NLRC4: variants seen among roughly 807,000 people sequenced by gnomAD.
NLRC4 encodes NLR family CARD domain containing 4, also known as NLR family CARD domain-containing protein 4.
NLRC4 carries 63 observed loss-of-function variants against 79.9 expected under a neutral mutation model. The observed-to-expected ratio is 0.79, with a 90% CI of 0.64 to 0.97. The LOEUF is 0.97. NLRC4 is among the 50% of genes least tolerant of loss of function. The pLI is 0.00. For missense variants in NLRC4, 1,074 were observed against 1,215.2 expected (o/e 0.88, Z 1.73); for synonymous variants, 461 against 456.5 (o/e 1.01, Z -0.12).
Position 32,251,493 on chromosome 2 carries a change from A to T in NLRC4, c.371T>A (p.Ile124Asn), listed in dbSNP as rs188120749. ...GCTTTTCAAGTTAAAAATAATGTCAATATCTTCACCAAGGGGATAAAAGTT... is the reference window on the plus strand; with the variant it reads ...GCTTTTCAAGTTAAAAATAATGTCATTATCTTCACCAAGGGGATAAAAGTT... ...FLNFYPLGED[I>N]DIIFNLKSTF... Residue 124 changes from isoleucine to asparagine, a missense_variant, in exon 4 of 9, where the codon ATT becomes AAT. Physicochemically the swap from Ile to Asn is moderately radical, Grantham distance 149. Transcript: ENST00000402280. 4 of 1,614,026 alleles carry T rather than the reference A, an allele frequency of 2.5e-6. No individual in the cohort carries two copies. The East Asian group carries it at 6.7e-5, about 27-fold the overall frequency.
intron 5 of NLRC4, among the ~76,000 whole-genome samples, chr2:32,239,390 C>T (rs187344143): frequency 2.1e-3 from 327 of 152,298 alleles, no homozygotes; most frequent in African/African-American, 7.4e-3. Context: ...AATGTGGTGC[C>T]TGGCACATAG....
intron 6 of NLRC4, 36 bp downstream of exon 6, chr2:32,238,096 T>C (rs2148935022): frequency 6.5e-7 from 1 of 1,543,674 alleles, no homozygotes. Context: ...TGTTCTGTTA[T>C]ACTGTCCTCA....
At chr2:32,258,296 G>C (rs545836277) in intron 1 of NLRC4, among the ~76,000 whole-genome samples, 1 of 152,190 alleles carries the variant, frequency 6.6e-6, no homozygotes, top group South Asian at 2.1e-4. Context: ...ATGTTCTTCC[G>C]CCGATGTGTT....
chr2:32,252,524 C>G lies in NLRC4; in HGVS notation c.157G>C (p.Gly53Arg). 1 of 1,614,088 alleles carries G rather than the reference C, an allele frequency of 6.2e-7. No individual in the cohort carries two copies. The highest frequency in any genetic ancestry group is 8.5e-7 in the Non-Finnish European group (1 of 1,179,948). The change falls in exon 3 of 9, where the codon GGG becomes CGG. Residue 53 changes from glycine (G) to arginine (R), a missense_variant. Gly to Arg is a moderately radical substitution (Grantham distance 125, BLOSUM62 -2). Transcript: ENST00000402280. The stretch of plus-strand genomic sequence containing the variant: ...TTTTTCAAAATCATGTGAATGATCC[C>G]TCTAGCAGCATCCTGCTCCACCTTC... The part of the protein sequence containing the change: ...CEKVEQDAAR[G>R]IIHMILKKGS...
upstream of NLRC4, among the ~76,000 whole-genome samples, chr2:32,265,336 A>G (rs940860575): frequency 2.0e-5 from 3 of 151,992 alleles, no homozygotes; most frequent in African/African-American, 7.3e-5. Flanking sequence ...GTGCACCACC[A>G]TGCCCGGCTA....
At chr2:32,231,579 G>GT (rs1553342724) in intron 8 of NLRC4, among the ~76,000 whole-genome samples, 4 of 113,096 alleles carry the variant, frequency 3.5e-5, no homozygotes, top group African/African-American at 9.7e-5. Flanking sequence ...TTTTGTGGGG[G>GT]GGGGGTGGGG....
intron 5 of NLRC4, among the ~76,000 whole-genome samples, chr2:32,240,489 G>A (rs1686774573): frequency 6.6e-6 from 1 of 151,536 alleles, no homozygotes; most frequent in South Asian, 2.1e-4. Context: ...CTGGCCTGCA[G>A]GGCCTGGTTC....
intron 8 of NLRC4, among the ~76,000 whole-genome samples, chr2:32,233,026 C>T (rs1304041059): frequency 1.3e-5 from 2 of 151,088 alleles, no homozygotes; most frequent in Non-Finnish European, 2.9e-5. Context: ...GAAGGAGGAT[C>T]CCTTGAGCCC....
At chr2:32,240,478 C>T (rs1363053575) in intron 5 of NLRC4, among the ~76,000 whole-genome samples, 3 of 151,618 alleles carry the variant, frequency 2.0e-5, no homozygotes, top group African/African-American at 7.3e-5. Flanking sequence ...AGGAATCCTC[C>T]CTGGCCTGCA....
intron 2 of NLRC4, among the ~76,000 whole-genome samples, 164 bp downstream of exon 2, chr2:32,256,611 G>T (rs1687212616): frequency 6.6e-6 from 1 of 152,128 alleles, no homozygotes; most frequent in Non-Finnish European, 1.5e-5. Context: ...TTTATCACAG[G>T]TTACCATATT....
At chr2:32,257,322 G>A (rs909322086) in intron 1 of NLRC4, among the ~76,000 whole-genome samples, 1 of 152,206 alleles carries the variant, frequency 6.6e-6, no homozygotes, top group Non-Finnish European at 1.5e-5. Context: ...TAAAGGATAA[G>A]TAGGGCTGGG....
chr2:32,259,949 C>T (rs1687299685), intron 1 of NLRC4, among the ~76,000 whole-genome samples: 1 of 152,132 alleles, frequency 6.6e-6, no homozygotes, highest in Non-Finnish European at 1.5e-5. Flanking sequence ...AGTGTATTGG[C>T]CGGGCACGGT....
intron 8 of NLRC4, among the ~76,000 whole-genome samples, chr2:32,232,644 A>G (rs1686565010): frequency 6.6e-6 from 1 of 152,216 alleles, no homozygotes; most frequent in Non-Finnish European, 1.5e-5. Flanking sequence ...GGCCATGAGA[A>G]TTTCAGCTAT....
chr2:32,256,426 A>G (rs147082502), intron 2 of NLRC4, among the ~76,000 whole-genome samples: 34 of 152,242 alleles, frequency 2.2e-4, no homozygotes, highest in African/African-American at 7.5e-4. Context: ...CCAGCCATTT[A>G]AAGTGGAAGG....
chr2:32,247,765 C>G (rs12987701), intron 4 of NLRC4, among the ~76,000 whole-genome samples: 1 of 152,066 alleles, frequency 6.6e-6, no homozygotes, highest in Admixed American at 6.6e-5. Context: ...AGACCTCTCT[C>G]CACAGCCCTT....
chr2:32,258,703 A>G (rs1687267528), intron 1 of NLRC4, among the ~76,000 whole-genome samples: 1 of 152,208 alleles, frequency 6.6e-6, no homozygotes, highest in South Asian at 2.1e-4. Flanking sequence ...GTTTTAAGAT[A>G]AGAAACGGAT....
intron 8 of NLRC4, among the ~76,000 whole-genome samples, chr2:32,234,090 G>A (rs1347232396): frequency 1.3e-5 from 2 of 152,120 alleles, no homozygotes; most frequent in African/African-American, 2.4e-5. Flanking sequence ...CTTAAAAACA[G>A]TTTAAATAGG....
chr2:32,246,074 C>G (rs1686929416), intron 4 of NLRC4, among the ~76,000 whole-genome samples: 1 of 152,120 alleles, frequency 6.6e-6, no homozygotes, highest in African/African-American at 2.4e-5. Flanking sequence ...ATCCCAGCTA[C>G]TTGGGATTCT....
At chr2:32,243,531 G>A (rs895328943) in intron 4 of NLRC4, among the ~76,000 whole-genome samples, 22 of 152,008 alleles carry the variant, frequency 1.4e-4, no homozygotes, top group Admixed American at 1.3e-3. Context: ...GGCAGGCGTG[G>A]TGGCTCACAC....
Sources: gnomAD v4.1 joint callset for allele counts (sites outside exome capture counted in the v4.1 genomes callset) on GRCh38, gnomAD v4.1.1 for gene constraint, MANE v1.5 for transcripts, NCBI Gene and HGNC (gene_info 2026-07-23, HGNC 2026-07-21) for gene names.